Variants in UTP6 observed in about 807,000 individuals in gnomAD.
UTP6 encodes UTP6 small subunit processome component, also known as U3 small nucleolar RNA-associated protein 6 homolog.
In UTP6, 60 loss-of-function variants were observed where a neutral mutation model predicts 96.5. The observed-to-expected ratio is 0.62, with a 90% confidence interval of 0.51 to 0.77. The LOEUF is 0.77. UTP6 is among the 30% of genes least tolerant of loss of function. The pLI, the probability that UTP6 is intolerant of heterozygous loss-of-function variation, is 0.00. For missense variants in UTP6, 637 were observed against 706.5 expected, an observed-to-expected ratio of 0.90 and a Z score of 1.12; for synonymous variants, 215 against 240.1, an observed-to-expected ratio of 0.90 and a Z score of 0.96.
rs182216382 is a variant in UTP6 at position 31,899,382 on chromosome 17, G to A, written c.177+264C>T. Among the ~76,000 whole-genome samples, 17 of 152,182 alleles carry A rather than the reference G, an allele frequency of 1.1e-4. No individual in the cohort carries two copies. In the East Asian group the frequency reaches 3.3e-3, roughly 29 times the overall value. On this transcript the variant is annotated intron_variant, in intron 2 of 18. Transcript: ENST00000261708. ...AGCACTTTGAGAGGCCAAGGTGGGTGGATCCCTTGAGATCAGCCTGGGCAA... is the reference window on the plus strand; with the variant it reads ...AGCACTTTGAGAGGCCAAGGTGGGTAGATCCCTTGAGATCAGCCTGGGCAA...
Position 31,865,540 on chromosome 17 carries a change from G to A in UTP6, c.1564-102C>T, listed in dbSNP as rs889140765. Reference sequence around the variant, plus strand: ...AGCTACTGTCTGTCAGGTATTTGAAGGGAAGAGTTTAACATGAACACAACT... The same window carrying A: ...AGCTACTGTCTGTCAGGTATTTGAAAGGAAGAGTTTAACATGAACACAACT... On this transcript the variant is annotated intron_variant, in intron 17 of 18. Transcript: ENST00000261708. 17 of 1,177,546 alleles carry A rather than the reference G, an allele frequency of 1.4e-5. No individual in the cohort carries two copies. The African/African-American group carries it at 1.8e-4, about 13-fold the overall frequency. 72.9% of individuals were successfully genotyped at this position (1,177,546 alleles called of 1,614,324 possible).
At chr17:31,865,991 G>A (rs575023554) in intron 17 of UTP6, among the ~76,000 whole-genome samples, 2 of 152,234 alleles carry the variant, frequency 1.3e-5, no homozygotes, top group Admixed American at 6.5e-5. Context: ...CAGAATAGCT[G>A]TAACTAACTT....
At chr17:31,871,362 A>G (rs1337971639) in intron 16 of UTP6, among the ~76,000 whole-genome samples, 1 of 152,022 alleles carries the variant, frequency 6.6e-6, no homozygotes, top group Non-Finnish European at 1.5e-5. Flanking sequence ...GGATCAAGCA[A>G]TCCTCTTGTC....
chr17:31,895,990 G>A (rs1904616366), intron 2 of UTP6, among the ~76,000 whole-genome samples: 1 of 149,654 alleles, frequency 6.7e-6, no homozygotes, highest in African/African-American at 2.5e-5. Context: ...CAGCCTGGGT[G>A]ACGGAGCGAG....
At chr17:31,877,792 T>G (rs187105807) in intron 13 of UTP6, among the ~76,000 whole-genome samples, 150 of 151,944 alleles carry the variant, frequency 9.9e-4, no homozygotes, top group African/African-American at 3.5e-3. Context: ...GATGGTGAAA[T>G]CCCGTCTCTA....
In UTP6 at chr17:31,891,463, A is replaced by G. The variant is rs571340187; in HGVS notation, c.424+797T>C. Among the ~76,000 whole-genome samples the G allele has an allele frequency of 2.0e-5, 3 of 152,294 alleles. No individual in the cohort carries two copies. The East Asian group carries it at 5.8e-4, about 29-fold the overall frequency. ...ACTGGTGCCAAATGTAGTCTATTTG[A>G]GTCTTGTGTGGTATAAGATATCTGA... On this transcript the variant is annotated intron_variant, in intron 6 of 18. Transcript: ENST00000261708.
At chr17:31,875,534 TAA>T (rs1484666985) in intron 13 of UTP6, 121 bp from the exon 14 acceptor site, 1 of 1,189,952 alleles carries the variant, frequency 8.4e-7, no homozygotes, top group East Asian at 2.6e-5. Context: ...CAATTTAAAA[TAA>T]AAAAGAGGCC....
At chr17:31,880,522 A>G in intron 11 of UTP6, 51 bp downstream of exon 11, 1 of 1,611,316 alleles carries the variant, frequency 6.2e-7, no homozygotes, top group Admixed American at 1.7e-5. Flanking sequence ...TAAGTTTCAC[A>G]ATCAGGGATA....
chr17:31,887,266 C>T lies in UTP6; in HGVS notation c.591G>A (p.Lys197=). ...LMHAEKLRKE[K]EEFEKASMDV... Reference sequence around the variant, plus strand: ...CCATACTGGCTTTTTCAAATTCTTCCTTCTCCTTCCTCAGTTTTTCAGCAT... The same window carrying T: ...CCATACTGGCTTTTTCAAATTCTTCTTTCTCCTTCCTCAGTTTTTCAGCAT... The change falls in exon 8 of 19, where the codon AAG becomes AAA. Residue 197 remains lysine, a synonymous_variant. Transcript: ENST00000261708. The T allele has an allele frequency of 1.9e-6, 3 of 1,614,092 alleles. No homozygotes were observed. The highest frequency in any genetic ancestry group is 2.5e-6 in the Non-Finnish European group (3 of 1,180,002).
In UTP6 at chr17:31,878,078, TCATTTTTTG is replaced by T. The variant is rs1339302345; in HGVS notation, c.1125+163_1125+171del. On this transcript the variant is annotated intron_variant, in intron 13 of 18. Transcript: ENST00000261708. ...ACTCCTCCCTTTGCTAGTACAGATTTCATTTTTTGCATAGGCCAAATACTGGGAAACACA... is the reference window on the plus strand; with the variant it reads ...ACTCCTCCCTTTGCTAGTACAGATTTCATAGGCCAAATACTGGGAAACACA... Among the ~76,000 whole-genome samples the T allele has an allele frequency of 9.9e-5, 15 of 152,242 alleles. No individual in the cohort carries two copies. In the East Asian group the frequency reaches 2.9e-3, roughly 29 times the overall value.
Position 31,878,335 on chromosome 17 carries a change from C to T in UTP6, c.1048-8G>A. On this transcript the variant is annotated splice_polypyrimidine_tract_variant and splice_region_variant and intron_variant, in intron 12 of 18. Transcript: ENST00000261708. ...CATGGTTCTTTCCAACCTCTGAAAA[C>T]AGAAAAATCCCTCAGTTCATTACAA... The T allele has an allele frequency of 6.2e-7, 1 of 1,613,980 alleles. No individual in the cohort carries two copies. Among genetic ancestry groups the T allele is most frequent in the Non-Finnish European group, 8.5e-7 (1 of 1,179,926 alleles).
chr17:31,892,172 T>C, intron 6 of UTP6, 88 bp downstream of exon 6: 1 of 1,439,228 alleles, frequency 6.9e-7, no homozygotes, highest in South Asian at 1.2e-5. Context: ...CTCAAAATAA[T>C]TTCTCTTAGA....
At chr17:31,887,059 G>A (rs1046520368) in intron 8 of UTP6, among the ~76,000 whole-genome samples, 177 bp downstream of exon 8, 3 of 151,948 alleles carry the variant, frequency 2.0e-5, no homozygotes, top group Admixed American at 2.0e-4. Flanking sequence ...GGAGGCAGAG[G>A]TTGCAGTGAG....
intron 11 of UTP6, 97 bp downstream of exon 11, chr17:31,880,476 T>A: frequency 2.4e-5 from 29 of 1,225,284 alleles, no homozygotes; most frequent in Non-Finnish European, 3.2e-5. Flanking sequence ...TACAGAGACA[T>A]CCCCAATATT....
intron 6 of UTP6, among the ~76,000 whole-genome samples, chr17:31,890,173 C>T (rs992528047): frequency 6.6e-6 from 1 of 151,882 alleles, no homozygotes; most frequent in African/African-American, 2.4e-5. Flanking sequence ...AATTTTGTAA[C>T]TTTGTAGAGA....
rs768850125 is a variant in UTP6, at chr17:31,863,312, G to A, written c.*47C>T. ...GGACTCAATACAAATTTGCCCACGG[G>A]GCTTGCTTGCAATACTATTTCACAA... On this transcript the variant is annotated 3_prime_UTR_variant, in exon 19 of 19. Transcript: ENST00000261708. The A allele has an allele frequency of 3.6e-5, 58 of 1,600,156 alleles. No homozygotes were observed. Among genetic ancestry groups the A allele is most frequent in the Non-Finnish European group, 4.9e-5 (58 of 1,172,852 alleles).
At chr17:31,872,740 C>T (rs763802258) in intron 16 of UTP6, among the ~76,000 whole-genome samples, 1 of 152,056 alleles carries the variant, frequency 6.6e-6, no homozygotes, top group Non-Finnish European at 1.5e-5. Flanking sequence ...CTGGCTCATG[C>T]CTGTAATCCC....
intron 17 of UTP6, 104 bp downstream of exon 17, chr17:31,867,942 C>T (rs1271571295): frequency 1.6e-5 from 18 of 1,102,348 alleles, no homozygotes; most frequent in African/African-American, 8.0e-5. Context: ...GGCAACAGAG[C>T]GAGACTCTGC....
At chr17:31,880,460 C>A in intron 11 of UTP6, 113 bp downstream of exon 11, 98 of 1,118,840 alleles carry the variant, frequency 8.8e-5, no homozygotes, top group Middle Eastern at 2.2e-4. Flanking sequence ...TCATCGTAAA[C>A]TATGTTACAG....
Sources: allele counts gnomAD v4.1 joint callset (sites outside exome capture counted in the v4.1 genomes callset), GRCh38; gene constraint gnomAD v4.1.1; transcripts MANE v1.5; gene names NCBI Gene and HGNC (gene_info 2026-07-23, HGNC 2026-07-21).